Variants in DNAH8 observed in about 807,000 individuals in gnomAD.
The protein encoded by DNAH8 is axonemal beta dynein heavy chain 8.
In DNAH8, 382 loss-of-function variants were observed where a neutral mutation model predicts 562.1. The observed-to-expected ratio is 0.68, with a 90% CI of 0.63 to 0.74. DNAH8 has a LOEUF of 0.74. Among genes scored for constraint, DNAH8 ranks in the 30% least tolerant of loss-of-function variants. The pLI is 0.00. For missense variants in DNAH8, 5,203 were observed against 5,620.4 expected (o/e 0.93, Z 2.37); for synonymous variants, 1,881 against 1,919.4 (o/e 0.98, Z 0.52).
At chr6:38,996,339 G>A (rs891462424) in intron 88 of DNAH8, among the ~76,000 whole-genome samples, 1 of 151,924 alleles carries the variant, frequency 6.6e-6, no homozygotes, top group African/African-American at 2.4e-5. Context: ...TATGCCAATG[G>A]CCTTTAAAAC....
At chr6:39,007,460 AAC>A (rs936484180) in intron 88 of DNAH8, among the ~76,000 whole-genome samples, 2 of 152,248 alleles carry the variant, frequency 1.3e-5, no homozygotes, top group Non-Finnish European at 2.9e-5. Flanking sequence ...AAAATTAGCA[AAC>A]AAAACAATAA....
chr6:38,767,094 C>G (rs1019325050), intron 11 of DNAH8, among the ~76,000 whole-genome samples: 2 of 152,170 alleles, frequency 1.3e-5, no homozygotes, highest in Admixed American at 1.3e-4. Flanking sequence ...CTATCCATTT[C>G]AGAACTTTTT....
chr6:38,967,861 T>A (rs1763075118), intron 82 of DNAH8, among the ~76,000 whole-genome samples: 1 of 152,108 alleles, frequency 6.6e-6, no homozygotes, highest in Admixed American at 6.5e-5. Flanking sequence ...GACTTATGCT[T>A]CCCAAAATCA....
At chr6:38,898,439 C>A in intron 61 of DNAH8, 59 bp downstream of exon 61, 2 of 1,409,240 alleles carry the variant, frequency 1.4e-6, no homozygotes, top group Non-Finnish European at 1.9e-6. Flanking sequence ...TCGTATATTT[C>A]ATAGATAAAT....
chr6:38,717,084 C>G lies in DNAH8; in HGVS notation c.-35+1669C>G, dbSNP rs144486700. Among the ~76,000 whole-genome samples, 263 of 152,252 alleles carry G rather than the reference C, an allele frequency of 1.7e-3. 2 individuals carry two copies. Among genetic ancestry groups the G allele is most frequent in the African/African-American group, 5.8e-3 (241 of 41,520 alleles). On this transcript the variant is annotated intron_variant, in intron 1 of 92. Transcript: ENST00000327475. ...AAGAACAGCCAAGTGTGATTGTGTACGCCTTTAGTCCTAGCTACTTGGGAG... is the reference window on the plus strand; with the variant it reads ...AAGAACAGCCAAGTGTGATTGTGTAGGCCTTTAGTCCTAGCTACTTGGGAG...
intron 82 of DNAH8, among the ~76,000 whole-genome samples, chr6:38,959,526 C>CA (rs1376254124): frequency 8.6e-5 from 13 of 151,552 alleles, no homozygotes; most frequent in African/African-American, 2.9e-4. Flanking sequence ...AAAATAGCTA[C>CA]AAAAAATAAA....
intron 92 of DNAH8, among the ~76,000 whole-genome samples, chr6:39,027,959 C>T (rs756852734): frequency 6.6e-6 from 1 of 152,108 alleles, no homozygotes; most frequent in Non-Finnish European, 1.5e-5. Flanking sequence ...TTTTCATTCC[C>T]TCATTTGTCA....
chr6:38,858,436 A>G (rs566406926), intron 42 of DNAH8, among the ~76,000 whole-genome samples: 2 of 152,308 alleles, frequency 1.3e-5, no homozygotes, highest in Non-Finnish European at 2.9e-5. Flanking sequence ...AGTTTTACCA[A>G]AAGTTCTGAT....
Position 38,882,993 on chromosome 6 carries a change from C to A in DNAH8, c.7942C>A (p.Pro2648Thr), listed in dbSNP as rs1174821026. The change falls in exon 54 of 93, where the codon CCA (proline) becomes ACA (threonine). Residue 2648 changes from proline (P) to threonine (T), a missense_variant. This residue lies in a region of DNAH8 where 977 missense variants were observed against 1,061.8 expected (regional missense o/e 0.92). Transcript: ENST00000327475. ...TCCGGAATATTCATCAATTTTGGTT[C>A]CAAATGTTGACAATATTAGAACAAA... ...SIPEYSSILV[P>T]NVDNIRTNFL... The A allele has an allele frequency of 1.9e-6, 3 of 1,604,908 alleles. No individual in the cohort carries two copies. Among genetic ancestry groups the A allele is most frequent in the South Asian group, 2.3e-5 (2 of 88,342 alleles).
At chr6:38,883,245 C>G in intron 54 of DNAH8, 77 bp from the exon 55 acceptor site, 1 of 1,460,594 alleles carries the variant, frequency 6.8e-7, no homozygotes, top group Non-Finnish European at 9.2e-7. Flanking sequence ...TTATAGAAGA[C>G]TAGCCCATAG....
intron 78 of DNAH8, among the ~76,000 whole-genome samples, 166 bp downstream of exon 78, chr6:38,938,392 G>A (rs1181209212): frequency 6.6e-6 from 1 of 152,116 alleles, no homozygotes; most frequent in Admixed American, 6.5e-5. Flanking sequence ...CATATACAAC[G>A]GGGAATACTA....
chr6:38,853,167 C>T lies in DNAH8; in HGVS notation c.5572-19C>T, dbSNP rs112343474. 43,139 of 1,580,052 alleles carry T rather than the reference C, an allele frequency of 0.027. 764 individuals are homozygous for T. The highest frequency in any genetic ancestry group is 0.033 in the Non-Finnish European group (38,861 of 1,163,466). ...CCAAATTATTATCAATTTATAATATCCTTGTAATTTTGTTTTAGTTGGATA... is the reference window on the plus strand; with the variant it reads ...CCAAATTATTATCAATTTATAATATTCTTGTAATTTTGTTTTAGTTGGATA... On this transcript the variant is annotated intron_variant, in intron 40 of 92. Transcript: ENST00000327475.
At chr6:38,845,468 G>A (rs983666375) in intron 35 of DNAH8, 106 bp from the exon 36 acceptor site, 2 of 750,724 alleles carry the variant, frequency 2.7e-6, no homozygotes, top group Admixed American at 2.5e-5. Flanking sequence ...AATGAACTGG[G>A]TGACTTACAG....
At position 39,030,367 on chromosome 6, in the gene DNAH8, T is replaced by C. The variant is rs1767592697; in HGVS notation, c.14099T>C (p.Val4700Ala). The change falls in exon 93 of 93, where the codon GTG becomes GCG. Residue 4700 changes from valine to alanine, a missense_variant. This residue lies in a region of DNAH8 where 1,399 missense variants were observed against 1,518.4 expected (regional missense o/e 0.92). Coordinates refer to ENST00000327475, the MANE Select transcript of DNAH8 (RefSeq NM_001206927.2). ...LSPDHWILRG[V>A]ALLCDIK ...CCGGATCACTGGATCCTGAGAGGAG[T>C]GGCCCTTTTGTGTGACATCAAGTAA... The C allele has an allele frequency of 6.2e-7, 1 of 1,613,876 alleles. No homozygotes were observed. The highest frequency in any genetic ancestry group is 8.5e-7 in the Non-Finnish European group (1 of 1,179,954).
chr6:38,784,688 T>G (rs766890395), intron 17 of DNAH8, among the ~76,000 whole-genome samples: 6 of 152,228 alleles, frequency 3.9e-5, no homozygotes, highest in Non-Finnish European at 8.8e-5. Context: ...ACATGTATTA[T>G]GCAAATTACT....
chr6:38,797,993 G>A (rs750161153), intron 21 of DNAH8, among the ~76,000 whole-genome samples: 1 of 151,804 alleles, frequency 6.6e-6, no homozygotes, highest in Non-Finnish European at 1.5e-5. Flanking sequence ...CAGGAGAATC[G>A]CTTGAACCTG....
chr6:38,845,438 T>C (rs554757786), intron 35 of DNAH8, 136 bp from the exon 36 acceptor site: 5 of 641,668 alleles, frequency 7.8e-6, no homozygotes, highest in Middle Eastern at 3.6e-4. Context: ...TGAAGCCTTT[T>C]CTTGGCTGTA....
At chr6:38,759,251 T>A (rs2127604903) in intron 10 of DNAH8, among the ~76,000 whole-genome samples, 1 of 152,118 alleles carries the variant, frequency 6.6e-6, no homozygotes, top group South Asian at 2.1e-4. Flanking sequence ...AAGAATGCAG[T>A]AAGCTGTGAT....
At chr6:38,855,761 G>A (rs72852712) in intron 41 of DNAH8, among the ~76,000 whole-genome samples, 18,941 of 152,080 alleles carry the variant, frequency 0.12, 1,429 homozygotes, top group Admixed American at 0.21. Flanking sequence ...GCCACAAACC[G>A]GTACCGGTTC....
Sources: allele counts gnomAD v4.1 joint callset (sites outside exome capture counted in the v4.1 genomes callset), GRCh38; gene constraint gnomAD v4.1.1; regional missense constraint gnomAD v4.1.1; transcripts MANE v1.5; gene names NCBI Gene and HGNC (gene_info 2026-07-23, HGNC 2026-07-21).